TMEM131L: variants seen among roughly 807,000 people sequenced by gnomAD.
TMEM131L encodes the protein transmembrane protein 131-like.
Under a neutral mutation model 192.2 loss-of-function variants are expected in TMEM131L, and 54 were observed. The ratio of observed to expected loss-of-function variants is 0.28; its 90% CI spans 0.23 to 0.35. The LOEUF is 0.35. Ranked by LOEUF, TMEM131L falls within the 10% of genes least tolerant of loss-of-function variation. The probability of loss-of-function intolerance (pLI) is 1.00; values close to 1 mark genes in which losing one functional copy is unlikely to be tolerated. For synonymous variants in TMEM131L, 701 were observed against 704.9 expected (o/e 0.99, Z 0.09); for missense variants, 1,888 against 1,972.9 (o/e 0.96, Z 0.82).
At chr4:153,490,203 G>T (rs996317493) in intron 3 of TMEM131L, among the ~76,000 whole-genome samples, 1 of 152,162 alleles carries the variant, frequency 6.6e-6, no homozygotes, top group African/African-American at 2.4e-5. Flanking sequence ...ACTTTCAGGT[G>T]GATAAATGTC....
chr4:153,520,458 G>C (rs1735032285), intron 3 of TMEM131L, among the ~76,000 whole-genome samples: 1 of 152,168 alleles, frequency 6.6e-6, no homozygotes, highest in Admixed American at 6.5e-5. Flanking sequence ...AACAGAGTGA[G>C]ATCCTGTCTC....
intron 11 of TMEM131L, 79 bp downstream of exon 11, chr4:153,583,751 T>G: frequency 1.2e-6 from 1 of 807,798 alleles, no homozygotes; most frequent in Non-Finnish European, 2.1e-6. Flanking sequence ...CAACTACAGA[T>G]TAGGCATGGT....
intron 3 of TMEM131L, among the ~76,000 whole-genome samples, chr4:153,487,142 A>G (rs1423523163): frequency 6.6e-6 from 1 of 152,084 alleles, no homozygotes; most frequent in African/African-American, 2.4e-5. Context: ...AAGTTTGAAA[A>G]CCATTGGCCC....
intron 25 of TMEM131L, among the ~76,000 whole-genome samples, chr4:153,609,676 T>G (rs1732481718): frequency 6.6e-6 from 1 of 152,230 alleles, no homozygotes; most frequent in African/African-American, 2.4e-5. Flanking sequence ...GGGATGGTTT[T>G]GTACTGGCTA....
At chr4:153,601,686 A>T (rs1054256151) in intron 21 of TMEM131L, among the ~76,000 whole-genome samples, 2 of 152,194 alleles carry the variant, frequency 1.3e-5, no homozygotes, top group African/African-American at 4.8e-5. Context: ...CACATGTTTG[A>T]ACTGTGTTTC....
Position 153,602,677 on chromosome 4 carries a change from A to G in TMEM131L, c.2589A>G (p.Pro863=), listed in dbSNP as rs1404632425. ...TGCCCTTGTGTGCAGACGTGGTTCC[A>G]GGACCCAGCTGGGAGGAGTCATTTT... ...HLLPLCADVV[P]GPSWEESFWR... Residue 863 remains proline (P), a synonymous_variant, in exon 23 of 35, where the codon CCA becomes CCG. Coordinates refer to ENST00000409959, the MANE Select transcript of TMEM131L (RefSeq NM_001131007.2). The G allele has an allele frequency of 6.2e-7, 1 of 1,613,912 alleles. No homozygotes were observed. The highest frequency in any genetic ancestry group is 8.5e-7 in the Non-Finnish European group (1 of 1,179,884).
chr4:153,505,997 A>G (rs1396974569), intron 3 of TMEM131L, among the ~76,000 whole-genome samples: 1 of 152,202 alleles, frequency 6.6e-6, no homozygotes, highest in Non-Finnish European at 1.5e-5. Flanking sequence ...TTGAAATTAC[A>G]ACTTTTTCAT....
At chr4:153,529,745 A>G (rs1735751896) in intron 3 of TMEM131L, among the ~76,000 whole-genome samples, 1 of 152,196 alleles carries the variant, frequency 6.6e-6, no homozygotes, top group Non-Finnish European at 1.5e-5. Flanking sequence ...ATTTGCTTCA[A>G]ACACCTCCCT....
chr4:153,478,590 T>A (rs1731711128), intron 3 of TMEM131L, among the ~76,000 whole-genome samples: 1 of 152,218 alleles, frequency 6.6e-6, no homozygotes, highest in Admixed American at 6.5e-5. Flanking sequence ...TTCACTAGTT[T>A]TTCCCTAATG....
At chr4:153,627,810 C>G (rs904444813) in intron 31 of TMEM131L, 123 bp downstream of exon 31, 2 of 716,332 alleles carry the variant, frequency 2.8e-6, no homozygotes, top group Non-Finnish European at 4.7e-6. Context: ...CCACCAGCCC[C>G]TTCTGCAAGC....
chr4:153,569,613 G>A (rs773373030), intron 7 of TMEM131L, among the ~76,000 whole-genome samples: 2 of 152,228 alleles, frequency 1.3e-5, no homozygotes, highest in Non-Finnish European at 2.9e-5. Context: ...GAATAAGAGG[G>A]TGAATTCCAA....
intron 3 of TMEM131L, among the ~76,000 whole-genome samples, chr4:153,483,907 T>C (rs554330588): frequency 2.0e-5 from 3 of 152,218 alleles, no homozygotes; most frequent in African/African-American, 7.2e-5. Flanking sequence ...TCACGGTGGG[T>C]CAGTGAGAAA....
intron 30 of TMEM131L, 94 bp from the exon 31 acceptor site, chr4:153,627,511 T>C (rs1578900673): frequency 6.7e-6 from 6 of 895,880 alleles, no homozygotes; most frequent in Middle Eastern, 2.2e-4. Flanking sequence ...AAGACTTCAA[T>C]TGAGTGAAAA....
At chr4:153,521,031 AT>A (rs1192361243) in intron 3 of TMEM131L, among the ~76,000 whole-genome samples, 3 of 152,030 alleles carry the variant, frequency 2.0e-5, no homozygotes, top group Non-Finnish European at 4.4e-5. Flanking sequence ...TGTGTGTGTG[AT>A]TTTGGGGAGG....
At chr4:153,551,742 T>A (rs1178107206) in intron 4 of TMEM131L, among the ~76,000 whole-genome samples, 1 of 152,224 alleles carries the variant, frequency 6.6e-6, no homozygotes, top group Non-Finnish European at 1.5e-5. Context: ...GTTTGCCGAC[T>A]TTATAAAATT....
At chr4:153,489,582 A>G (rs1344926249) in intron 3 of TMEM131L, among the ~76,000 whole-genome samples, 1 of 151,998 alleles carries the variant, frequency 6.6e-6, no homozygotes, top group Non-Finnish European at 1.5e-5. Context: ...GGTTCAAGCG[A>G]TTCTCCTGCC....
At chr4:153,593,672 T>G in intron 18 of TMEM131L, 127 bp from the exon 19 acceptor site, 1 of 641,004 alleles carries the variant, frequency 1.6e-6, no homozygotes, top group Non-Finnish European at 2.9e-6. Flanking sequence ...ATGGGATGAA[T>G]TTTGTGTGTA....
chr4:153,577,578 T>G (rs1730042125), intron 7 of TMEM131L, among the ~76,000 whole-genome samples: 1 of 152,144 alleles, frequency 6.6e-6, no homozygotes. Context: ...CAATAAAACT[T>G]TGCTGACAAA....
At chr4:153,607,091 G>GA (rs1467242329) in intron 25 of TMEM131L, among the ~76,000 whole-genome samples, 4 of 152,292 alleles carry the variant, frequency 2.6e-5, no homozygotes, top group African/African-American at 9.6e-5. Context: ...AGAAAGGACT[G>GA]AAAAATCTAG....
Sources: gnomAD v4.1 joint callset for allele counts (sites outside exome capture counted in the v4.1 genomes callset) on GRCh38, gnomAD v4.1.1 for gene constraint, MANE v1.5 for transcripts, NCBI Gene and HGNC (gene_info 2026-07-23, HGNC 2026-07-21) for gene names.